The following PLGRKT variants were observed in gnomAD, a reference collection of about 807,000 sequenced individuals.
PLGRKT encodes plasminogen receptor (KT).
PLGRKT carries 22 observed loss-of-function variants against 18.5 expected under a neutral mutation model. That is an observed-to-expected ratio of 1.19 (90% CI 0.85 to 1.70). The LOEUF (loss-of-function observed/expected upper bound fraction) is 1.70. PLGRKT is among the 40% of genes most tolerant of loss of function. The probability of loss-of-function intolerance (pLI) is 0.00; values close to 1 mark genes in which losing one functional copy is unlikely to be tolerated. For missense variants in PLGRKT, 235 were observed against 174.4 expected (o/e 1.35, Z -1.96); for synonymous variants, 72 against 52.8 (o/e 1.36, Z -1.58).
intron 5 of PLGRKT, among the ~76,000 whole-genome samples, chr9:5,360,342 A>C (rs546330053): frequency 6.1e-4 from 93 of 152,242 alleles, no homozygotes; most frequent in Non-Finnish European, 1.0e-3. Context: ...AGGGCCAGAC[A>C]GTAAATATTA....
intron 3 of PLGRKT, among the ~76,000 whole-genome samples, chr9:5,422,228 A>G (rs1818591482): frequency 6.6e-6 from 1 of 152,200 alleles, no homozygotes; most frequent in African/African-American, 2.4e-5. Context: ...GGGGAAACTT[A>G]TAATGGGTAG....
chr9:5,368,706 CT>C (rs1817450201), intron 3 of PLGRKT, among the ~76,000 whole-genome samples: 1 of 152,224 alleles, frequency 6.6e-6, no homozygotes, highest in African/African-American at 2.4e-5. Flanking sequence ...CCTGCACCCC[CT>C]GAATCTAAAA....
chr9:5,392,038 C>T (rs1467881214), intron 3 of PLGRKT, among the ~76,000 whole-genome samples: 1 of 151,892 alleles, frequency 6.6e-6, no homozygotes, highest in Non-Finnish European at 1.5e-5. Context: ...GACATATGTA[C>T]CATGAGACCT....
intron 3 of PLGRKT, among the ~76,000 whole-genome samples, chr9:5,394,558 G>A (rs1272261967): frequency 2.6e-5 from 4 of 151,696 alleles, no homozygotes; most frequent in East Asian, 3.9e-4. Flanking sequence ...GATTACAGGC[G>A]CCCACCACCA....
At chr9:5,399,765 G>T (rs1352644581) in intron 3 of PLGRKT, among the ~76,000 whole-genome samples, 1 of 151,682 alleles carries the variant, frequency 6.6e-6, no homozygotes, top group South Asian at 2.1e-4. Context: ...GAGGTGGGTG[G>T]ATTCACTGGA....
chr9:5,391,824 G>A (rs1817954550), intron 3 of PLGRKT, among the ~76,000 whole-genome samples: 1 of 151,934 alleles, frequency 6.6e-6, no homozygotes, highest in Non-Finnish European at 1.5e-5. Context: ...TTCTCTGTAG[G>A]AATTAGGGGA....
chr9:5,382,818 G>A (rs1339031174), intron 3 of PLGRKT, among the ~76,000 whole-genome samples: 1 of 152,192 alleles, frequency 6.6e-6, no homozygotes, highest in Admixed American at 6.5e-5. Context: ...GGATGGCACA[G>A]ACAGAAAGAA....
At chr9:5,376,610 G>T (rs1305777790) in intron 3 of PLGRKT, among the ~76,000 whole-genome samples, 1 of 152,108 alleles carries the variant, frequency 6.6e-6, no homozygotes, top group African/African-American at 2.4e-5. Flanking sequence ...GCACTCAGTA[G>T]AAACTGTTTT....
chr9:5,433,451 C>T (rs532455717), intron 2 of PLGRKT, among the ~76,000 whole-genome samples: 46 of 141,142 alleles, frequency 3.3e-4, no homozygotes, highest in African/African-American at 1.1e-3. Context: ...TGCCTCTGCC[C>T]GGCCGCCACC....
At chr9:5,385,838 T>C (rs942999756) in intron 3 of PLGRKT, among the ~76,000 whole-genome samples, 2 of 151,894 alleles carry the variant, frequency 1.3e-5, no homozygotes, top group Non-Finnish European at 2.9e-5. Context: ...AGGATGTTTA[T>C]ACAGCAAAAC....
At chr9:5,383,291 G>T (rs1586714625) in intron 3 of PLGRKT, among the ~76,000 whole-genome samples, 2 of 152,308 alleles carry the variant, frequency 1.3e-5, no homozygotes, top group Middle Eastern at 6.8e-3. Flanking sequence ...CTCCAGAACT[G>T]TGAAATAATC....
intron 1 of PLGRKT, among the ~76,000 whole-genome samples, chr9:5,437,384 G>GA (rs1442360809): frequency 6.6e-6 from 1 of 152,156 alleles, no homozygotes; most frequent in African/African-American, 2.4e-5. Context: ...GCATCCCATT[G>GA]AAATTAAGCC....
chr9:5,363,382 T>C (rs1392305434), intron 3 of PLGRKT, among the ~76,000 whole-genome samples: 1 of 151,888 alleles, frequency 6.6e-6, no homozygotes, highest in Non-Finnish European at 1.5e-5. Flanking sequence ...CTGGCTTATA[T>C]TCACTCCCAA....
At chr9:5,430,944 T>C (rs1818810210) in intron 3 of PLGRKT, among the ~76,000 whole-genome samples, 1 of 152,254 alleles carries the variant, frequency 6.6e-6, no homozygotes, top group South Asian at 2.1e-4. Context: ...CTAAATCCAA[T>C]GTTAAGGTTT....
intron 3 of PLGRKT, among the ~76,000 whole-genome samples, chr9:5,383,955 G>A (rs767753851): frequency 1.1e-4 from 17 of 152,218 alleles, no homozygotes; most frequent in Non-Finnish European, 2.2e-4. Flanking sequence ...TTCAGCTTCA[G>A]ATGTGCTGAA....
rs894094035 is a variant in PLGRKT at position 5,372,866 on chromosome 9, C to T, written c.82-10978G>A. 6.6e-4 allele frequency among the ~76,000 whole-genome samples: 101 copies of T among 152,150 alleles called. 1 individual carries two copies. The highest frequency in any genetic ancestry group is 2.4e-3 in the African/African-American group (98 of 41,428). On this transcript the variant is annotated intron_variant, in intron 3 of 5. Transcript: ENST00000223864. ...ATGGAATCCAACTAGTATTACCTGCCACTGAAGGTATTATCTCAGTTTACA... is the reference window on the plus strand; with the variant it reads ...ATGGAATCCAACTAGTATTACCTGCTACTGAAGGTATTATCTCAGTTTACA...
intron 2 of PLGRKT, among the ~76,000 whole-genome samples, chr9:5,433,434 T>A (rs76084705): frequency 6.1e-5 from 9 of 147,792 alleles, no homozygotes; most frequent in African/African-American, 2.0e-4. Context: ...ATCTGGGAAG[T>A]GAGGAGTGCC....
At chr9:5,367,393 C>T (rs568333178) in intron 3 of PLGRKT, among the ~76,000 whole-genome samples, 6 of 152,122 alleles carry the variant, frequency 3.9e-5, no homozygotes, top group Non-Finnish European at 8.8e-5. Flanking sequence ...AAAGCAGAAA[C>T]GTATGCCAAT....
At chr9:5,410,425 G>C (rs1170506219) in intron 3 of PLGRKT, among the ~76,000 whole-genome samples, 1 of 150,640 alleles carries the variant, frequency 6.6e-6, no homozygotes, top group Non-Finnish European at 1.5e-5. Flanking sequence ...CCAGGAGGCA[G>C]AGGTTGCAGT....
Sources: allele counts gnomAD v4.1 joint callset (sites outside exome capture counted in the v4.1 genomes callset), GRCh38; gene constraint gnomAD v4.1.1; transcripts MANE v1.5; gene names NCBI Gene and HGNC (gene_info 2026-07-23, HGNC 2026-07-21).